The following ZNF469 variants were observed in gnomAD, a reference collection of about 807,000 sequenced individuals.
ZNF469 encodes the protein zinc finger protein 469.
A neutral mutation model predicts 1.0 loss-of-function variants in ZNF469; 1 was observed. The ratio of observed to expected loss-of-function variants is 1.00; its 90% CI spans 0.35 to 4.73. The LOEUF is 4.73. Ranked by LOEUF, ZNF469 falls within the 30% of genes most tolerant of loss-of-function variation. The pLI, the probability that ZNF469 is intolerant of heterozygous loss-of-function variation, is 0.16. For synonymous variants in ZNF469, 2,703 were observed against 2,363.4 expected, an observed-to-expected ratio of 1.14 and a Z score of -4.17; for missense variants, 6,100 against 5,356.3, an observed-to-expected ratio of 1.14 and a Z score of -4.33.
rs1162224297 is a variant in ZNF469, at chr16:88,436,808, C to A, written c.9338C>A (p.Ala3113Asp). The change falls in exon 3 of 3, where the codon GCC becomes GAC. Residue 3113 changes from alanine (A) to aspartate (D), a missense_variant. Ala to Asp is a moderately radical substitution (Grantham distance 126). Transcript: ENST00000565624. Reference protein sequence around the residue: ...GRGRPAKGRRASYKCKVCFQR... With the variant: ...GRGRPAKGRRDSYKCKVCFQR... ...GGCCGGCCGGCCAAGGGCAGGCGGG[C>A]CTCCTACAAGTGCAAAGTGTGCTTC... 48 of 1,540,768 alleles carry A rather than the reference C, an allele frequency of 3.1e-5. No homozygotes were observed. Among genetic ancestry groups the A allele is most frequent in the Non-Finnish European group, 3.8e-5 (44 of 1,146,060 alleles).
At chr16:88,220,125 T>C in the ZNF469 span, among the ~76,000 whole-genome samples, 1 of 152,196 alleles carries the variant, frequency 6.6e-6, no homozygotes, top group Non-Finnish European at 1.5e-5. Flanking sequence ...CAGTAAGCCA[T>C]GGCCCCATGG....
chr16:88,434,922 G>A lies in ZNF469; in HGVS notation c.7452G>A (p.Gly2484=), dbSNP rs1359930698. The A allele has an allele frequency of 1.9e-6, 3 of 1,550,070 alleles. No homozygotes were observed. Among genetic ancestry groups the A allele is most frequent in the African/African-American group, 2.7e-5 (2 of 73,064 alleles). The stretch of plus-strand genomic sequence containing the variant: ...TCTGCGCAGCCTCCTTCCGCTCCGG[G>A]CCGGGCCTGAGCCGGCACAAGGCCA... The part of the protein sequence containing the change: ...CEVCAASFRS[G]PGLSRHKARK... The change falls in exon 3 of 3, where the codon GGG becomes GGA. Residue 2484 remains glycine, a synonymous_variant. Transcript: ENST00000565624.
chr16:88,418,740 C>T (rs1012888576), intron 1 of ZNF469, among the ~76,000 whole-genome samples: 1 of 152,216 alleles, frequency 6.6e-6, no homozygotes. Context: ...ATAATTTGCG[C>T]CGTATTCTTA....
the ZNF469 span, among the ~76,000 whole-genome samples, chr16:88,257,197 C>T: frequency 3.3e-5 from 5 of 150,776 alleles, no homozygotes; most frequent in Non-Finnish European, 7.4e-5. Context: ...CTCCTGACCT[C>T]AGGTGATCTG....
chr16:88,283,295 T>TAA, the ZNF469 span, among the ~76,000 whole-genome samples: 1 of 135,854 alleles, frequency 7.4e-6, no homozygotes, highest in Non-Finnish European at 1.6e-5. Flanking sequence ...ACATTTTAAC[T>TAA]AAAAAAAAAA....
chr16:88,131,606 C>G, the ZNF469 span, among the ~76,000 whole-genome samples: 3 of 152,260 alleles, frequency 2.0e-5, no homozygotes. Context: ...GAAAACAATA[C>G]CGAATGCCCC....
chr16:88,215,383 ATTTTTTTTTT>A, the ZNF469 span, among the ~76,000 whole-genome samples: 1 of 94,188 alleles, frequency 1.1e-5, no homozygotes, highest in African/African-American at 4.4e-5. Flanking sequence ...TTGCCTTTTA[ATTTTTTTTTT>A]TTTTTTTTTT....
At chr16:88,235,148 G>A in the ZNF469 span, among the ~76,000 whole-genome samples, 113,371 of 151,242 alleles carry the variant, frequency 0.75, 43,782 homozygotes, top group Middle Eastern at 0.87. Flanking sequence ...AAGGGATCCC[G>A]TGGTTTCATT....
the ZNF469 span, among the ~76,000 whole-genome samples, chr16:88,153,569 C>A: frequency 6.6e-6 from 1 of 152,218 alleles, no homozygotes; most frequent in African/African-American, 2.4e-5. Flanking sequence ...ATGGCACGTG[C>A]AGGCGAGAAG....
chr16:88,430,960 G>A lies in ZNF469; in HGVS notation c.3490G>A (p.Gly1164Ser). 3.9e-6 allele frequency: 6 copies of A among 1,536,080 alleles called. No individual in the cohort carries two copies. Among genetic ancestry groups the A allele is most frequent in the Non-Finnish European group, 5.2e-6 (6 of 1,145,012 alleles). The change falls in exon 3 of 3, where the codon GGC (glycine) becomes AGC (serine). Residue 1164 changes from glycine (G) to serine (S), a missense_variant. Transcript: ENST00000565624. ...NPEEPGGSRP[G>S]PGRSPQARGP... ...CGAGGAGCCGGGCGGGTCTCGCCCG[G>A]GCCCCGGCAGGAGCCCTCAGGCCCG...
At chr16:88,340,707 C>T in the ZNF469 span, among the ~76,000 whole-genome samples, 1 of 141,304 alleles carries the variant, frequency 7.1e-6, no homozygotes, top group Admixed American at 7.0e-5. Context: ...GGAGGAGTCC[C>T]GCTGGAACAG....
the ZNF469 span, among the ~76,000 whole-genome samples, chr16:88,325,221 A>AGCCGC: frequency 3.0e-4 from 42 of 139,374 alleles, no homozygotes; most frequent in East Asian, 1.8e-3. Flanking sequence ...CAGCTGTGAC[A>AGCCGC]TACACAGGGC....
At chr16:88,208,778 CG>C in the ZNF469 span, among the ~76,000 whole-genome samples, 2 of 67,270 alleles carry the variant, frequency 3.0e-5, no homozygotes, top group South Asian at 1.2e-3. Context: ...CGCGTGCGCG[CG>C]CACACACACA....
rs273585625 is a variant in ZNF469, at chr16:88,436,466, G to T, written c.8996G>T (p.Gly2999Val). ...ELHMVPAAWR[G>V]LEMPAPADDS... The stretch of plus-strand genomic sequence containing the variant: ...CACATGGTCCCAGCGGCTTGGCGAG[G>T]CCTGGAGATGCCGGCCCCTGCCGAT... Residue 2999 changes from glycine (G) to valine (V), a missense_variant, in exon 3 of 3, where the codon GGC becomes GTC. Coordinates refer to ENST00000565624, the MANE Select transcript of ZNF469 (RefSeq NM_001367624.2). The T allele has an allele frequency of 7.4e-5, 114 of 1,546,772 alleles. No homozygotes were observed. In the African/African-American group the frequency reaches 1.3e-3, roughly 17 times the overall value.
At chr16:88,246,815 G>A in the ZNF469 span, among the ~76,000 whole-genome samples, 1 of 151,806 alleles carries the variant, frequency 6.6e-6, no homozygotes, top group Non-Finnish European at 1.5e-5. Context: ...ATGAGGGAGT[G>A]AATGGTGAAT....
the ZNF469 span, among the ~76,000 whole-genome samples, chr16:88,320,942 G>A: frequency 6.6e-6 from 1 of 152,236 alleles, no homozygotes; most frequent in Admixed American, 6.5e-5. Context: ...GCAGTGTCCA[G>A]TGCTCGGGAA....
At chr16:88,117,152 G>A in the ZNF469 span, among the ~76,000 whole-genome samples, 1 of 151,212 alleles carries the variant, frequency 6.6e-6, no homozygotes, top group Admixed American at 6.6e-5. Context: ...TGTGAGAGCT[G>A]GGGACGTGTG....
the ZNF469 span, among the ~76,000 whole-genome samples, chr16:88,299,694 T>A: frequency 6.6e-6 from 1 of 152,142 alleles, no homozygotes; most frequent in African/African-American, 2.4e-5. Context: ...CCCACCTGGA[T>A]GAGCTGCTGG....
intron 2 of ZNF469, among the ~76,000 whole-genome samples, chr16:88,426,764 C>T (rs1157218516): frequency 1.3e-5 from 2 of 152,156 alleles, no homozygotes; most frequent in Non-Finnish European, 2.9e-5. Flanking sequence ...GGCAGGGAGA[C>T]CCTGGCTGAC....
Sources: gnomAD v4.1 joint callset for allele counts (sites outside exome capture counted in the v4.1 genomes callset) on GRCh38, gnomAD v4.1.1 for gene constraint, MANE v1.5 for transcripts, NCBI Gene and HGNC (gene_info 2026-07-23, HGNC 2026-07-21) for gene names.